PDE10A: variants seen among roughly 807,000 people sequenced by gnomAD.
PDE10A encodes phosphodiesterase 10A.
A neutral mutation model predicts 97.7 loss-of-function variants in PDE10A; 39 were observed. That is an observed-to-expected ratio of 0.40 (90% CI 0.31 to 0.52). The LOEUF (loss-of-function observed/expected upper bound fraction) is 0.52. Ranked by LOEUF, PDE10A falls within the 20% of genes least tolerant of loss-of-function variation. The pLI is 0.56. For missense variants in PDE10A, 731 were observed against 1,047.8 expected (o/e 0.70, Z 4.17); for synonymous variants, 371 against 376.8 (o/e 0.98, Z 0.18).
Position 165,717,130 on chromosome 6 carries a change from A to G in PDE10A, c.-614-173562T>C, listed in dbSNP as rs150379906. Among the ~76,000 whole-genome samples the G allele has an allele frequency of 7.2e-3, 1,098 of 152,304 alleles. 11 individuals are homozygous for G. Among genetic ancestry groups the G allele is most frequent in the African/African-American group, 0.025 (1,030 of 41,576 alleles). On this transcript the variant is annotated intron_variant, in intron 1 of 19. Coordinates refer to the PDE10A transcript ENST00000366882. Reference sequence around the variant, plus strand: ...TGACTGATTTATTTCACTTAGCACAATGTTCTCAAGATTCATCCATGTTGT... The same window carrying G: ...TGACTGATTTATTTCACTTAGCACAGTGTTCTCAAGATTCATCCATGTTGT...
chr6:165,653,547 T>C (rs1562661469), intron 1 of PDE10A, among the ~76,000 whole-genome samples: 2 of 152,158 alleles, frequency 1.3e-5, no homozygotes, highest in Admixed American at 6.5e-5. Context: ...GCCAGAGAGC[T>C]GCAGGGCCTG....
chr6:165,728,199 G>A (rs1397672066), intron 1 of PDE10A, among the ~76,000 whole-genome samples: 1 of 152,190 alleles, frequency 6.6e-6, no homozygotes. Flanking sequence ...GCCAGAGCAG[G>A]TAGGGCCCCT....
chr6:165,796,159 A>T (rs1778825679), intron 1 of PDE10A, among the ~76,000 whole-genome samples: 1 of 133,792 alleles, frequency 7.5e-6, no homozygotes, highest in Non-Finnish European at 1.5e-5. Flanking sequence ...GCAGTGCCGC[A>T]ATCTCGGCTC....
intron 1 of PDE10A, among the ~76,000 whole-genome samples, chr6:165,984,945 T>C (rs1027983241): frequency 6.6e-5 from 10 of 152,158 alleles, no homozygotes; most frequent in Admixed American, 5.2e-4. Flanking sequence ...AAGACTCATG[T>C]TTTCTGGGTG....
At chr6:165,487,925 A>G (rs144184835) in intron 2 of PDE10A, among the ~76,000 whole-genome samples, 1 of 152,008 alleles carries the variant, frequency 6.6e-6, no homozygotes, top group African/African-American at 2.4e-5. Flanking sequence ...TTTCACTCAG[A>G]TCAGCAATGA....
chr6:165,592,041 C>T (rs1358382044), intron 1 of PDE10A, among the ~76,000 whole-genome samples: 3 of 152,118 alleles, frequency 2.0e-5, no homozygotes, highest in African/African-American at 7.2e-5. Context: ...CATCACGTTC[C>T]CTGACTTCAA....
intron 5 of PDE10A, 58 bp downstream of exon 5, chr6:165,448,870 A>G (rs1791064479): frequency 4.8e-6 from 5 of 1,032,912 alleles, no homozygotes; most frequent in Admixed American, 4.1e-5. Context: ...TAACTTTTTT[A>G]AAGGAGCTTA....
At chr6:165,461,593 G>T (rs1778331619) in intron 3 of PDE10A, among the ~76,000 whole-genome samples, 1 of 152,198 alleles carries the variant, frequency 6.6e-6, no homozygotes, top group African/African-American at 2.4e-5. Context: ...ATTTCATACA[G>T]ATGAACAACT....
At chr6:165,851,276 G>T (rs1156982513) in intron 1 of PDE10A, among the ~76,000 whole-genome samples, 2 of 152,206 alleles carry the variant, frequency 1.3e-5, no homozygotes, top group African/African-American at 2.4e-5. Context: ...CAATTGAACT[G>T]CTTCATATGT....
At chr6:165,604,494 C>T (rs1583629208) in intron 1 of PDE10A, among the ~76,000 whole-genome samples, 1 of 141,146 alleles carries the variant, frequency 7.1e-6, no homozygotes, top group African/African-American at 2.7e-5. Flanking sequence ...GCTACATGCA[C>T]AAGACTGCAC....
At chr6:165,371,292 C>G (rs1440726866) in intron 18 of PDE10A, among the ~76,000 whole-genome samples, 2 of 152,012 alleles carry the variant, frequency 1.3e-5, no homozygotes, top group African/African-American at 2.4e-5. Flanking sequence ...AATCCAGGAG[C>G]TGGTTTTTTG....
chr6:165,493,531 C>T (rs551075583), intron 2 of PDE10A, among the ~76,000 whole-genome samples: 6 of 151,980 alleles, frequency 3.9e-5, no homozygotes, highest in South Asian at 4.2e-4. Context: ...AGAAATAAGG[C>T]GAAATACTTA....
chr6:165,924,363 G>T (rs1782858964), intron 1 of PDE10A, among the ~76,000 whole-genome samples: 1 of 151,750 alleles, frequency 6.6e-6, no homozygotes, highest in African/African-American at 2.4e-5. Flanking sequence ...ACAGTTCATG[G>T]TTCCTATGTT....
At chr6:165,373,722 C>T (rs946197113) in intron 18 of PDE10A, among the ~76,000 whole-genome samples, 6 of 152,046 alleles carry the variant, frequency 3.9e-5, no homozygotes, top group African/African-American at 1.4e-4. Context: ...CCAGCCATCC[C>T]ATTACTGGGT....
chr6:165,366,447 G>A (rs979680920), intron 18 of PDE10A, among the ~76,000 whole-genome samples: 1 of 152,036 alleles, frequency 6.6e-6, no homozygotes, highest in African/African-American at 2.4e-5. Context: ...TTAAGATTCT[G>A]GTAATCATAG....
At chr6:165,708,693 G>T (rs1213419283) in intron 1 of PDE10A, among the ~76,000 whole-genome samples, 5 of 150,836 alleles carry the variant, frequency 3.3e-5, no homozygotes, top group African/African-American at 1.2e-4. Context: ...CCATGCTCCT[G>T]CGCTCTCCTC....
rs1583643686 is a variant in PDE10A at position 165,612,585 on chromosome 6, A to G, written c.865+49362T>C. On this transcript the variant is annotated intron_variant, in intron 1 of 21. Coordinates refer to ENST00000539869, the MANE Select transcript of PDE10A (RefSeq NM_001385079.1). Reference sequence around the variant, plus strand: ...GGTTTTTGCCATGTTGGCCAGGCTGATCTCAGAAGCCTGACCTCAGGTGAT... The same window carrying G: ...GGTTTTTGCCATGTTGGCCAGGCTGGTCTCAGAAGCCTGACCTCAGGTGAT... 3.9e-5 allele frequency among the ~76,000 whole-genome samples: 6 copies of G among 152,196 alleles called. No individual in the cohort carries two copies. The South Asian group carries it at 1.2e-3, about 32-fold the overall frequency.
intron 2 of PDE10A, among the ~76,000 whole-genome samples, chr6:165,486,276 C>T (rs1484843769): frequency 6.6e-6 from 1 of 152,168 alleles, no homozygotes; most frequent in Admixed American, 6.5e-5. Context: ...CAGAACTATT[C>T]TAGTCTGTGA....
chr6:165,765,889 T>C (rs1170063777), intron 1 of PDE10A, among the ~76,000 whole-genome samples: 2 of 152,258 alleles, frequency 1.3e-5, no homozygotes, highest in Non-Finnish European at 2.9e-5. Context: ...GGCTTTGTCA[T>C]ATTCCATCGC....
Sources: allele counts gnomAD v4.1 joint callset (sites outside exome capture counted in the v4.1 genomes callset), GRCh38; gene constraint gnomAD v4.1.1; transcripts MANE v1.5; gene names NCBI Gene and HGNC (gene_info 2026-07-23, HGNC 2026-07-21).